TECPR2: variants seen among roughly 807,000 people sequenced by gnomAD.
TECPR2 encodes the protein tectonin beta-propeller repeat containing 2, also known as tectonin beta-propeller repeat-containing protein 2.
Under a neutral mutation model 138.1 loss-of-function variants are expected in TECPR2, and 65 were observed. The observed-to-expected ratio is 0.47, with a 90% CI of 0.39 to 0.58. TECPR2 has a LOEUF of 0.58. Among genes scored for constraint, TECPR2 ranks in the 20% least tolerant of loss-of-function variants. The pLI, the probability that TECPR2 is intolerant of heterozygous loss-of-function variation, is 0.00. For missense variants in TECPR2, 1,553 were observed against 1,824.5 expected, an observed-to-expected ratio of 0.85 and a Z score of 2.71; for synonymous variants, 746 against 749.8, an observed-to-expected ratio of 0.99 and a Z score of 0.08.
chr14:102,495,319 A>G (rs1214191390), intron 17 of TECPR2, among the ~76,000 whole-genome samples: 1 of 152,174 alleles, frequency 6.6e-6, no homozygotes, highest in Non-Finnish European at 1.5e-5. Flanking sequence ...AGCTGCGACC[A>G]AGTCTGGATG....
chr14:102,385,061 T>C (rs1467943193), intron 2 of TECPR2, among the ~76,000 whole-genome samples: 1 of 151,834 alleles, frequency 6.6e-6, no homozygotes, highest in Non-Finnish European at 1.5e-5. Context: ...TTCACCATGT[T>C]GGCCAGGCTG....
intron 2 of TECPR2, among the ~76,000 whole-genome samples, chr14:102,395,526 A>G (rs977018247): frequency 6.6e-6 from 1 of 152,224 alleles, no homozygotes; most frequent in Non-Finnish European, 1.5e-5. Context: ...TGGGCCGGGC[A>G]CGGTGGCTCA....
intron 1 of TECPR2, among the ~76,000 whole-genome samples, chr14:102,373,794 T>C (rs932508563): frequency 1.3e-5 from 2 of 151,992 alleles, no homozygotes; most frequent in Admixed American, 6.6e-5. Context: ...GAAATGGGAA[T>C]CTAAGGCTGG....
At chr14:102,418,538 C>T (rs746259130) in intron 5 of TECPR2, among the ~76,000 whole-genome samples, 1 of 152,196 alleles carries the variant, frequency 6.6e-6, no homozygotes, top group Non-Finnish European at 1.5e-5. Flanking sequence ...GCCCTGCGCA[C>T]CGAGGATCTG....
chr14:102,458,761 C>T (rs1170993371), intron 16 of TECPR2, among the ~76,000 whole-genome samples: 1 of 151,914 alleles, frequency 6.6e-6, no homozygotes, highest in Non-Finnish European at 1.5e-5. Flanking sequence ...TGAGATCGCA[C>T]CTCCCCACCA....
In TECPR2 at chr14:102,499,488, C is replaced by T. The variant is rs913353597; in HGVS notation, c.*1231C>T. ...GCAGCCTCAGAGGGGCAGGCATCCC[C>T]GCACAGACTTGACTGGCAGGGCGGT... On this transcript the variant is annotated 3_prime_UTR_variant, in exon 20 of 20. Transcript: ENST00000359520. 16 of 500,578 alleles carry T rather than the reference C, an allele frequency of 3.2e-5. No individual in the cohort carries two copies. Among genetic ancestry groups the T allele is most frequent in the Admixed American group, 1.7e-4 (5 of 29,848 alleles). The allele number at this position is 500,578 out of a possible 1,614,324, so 31.0% of individuals were successfully genotyped here.
intron 11 of TECPR2, among the ~76,000 whole-genome samples, chr14:102,441,668 G>T (rs1889838040): frequency 6.6e-6 from 1 of 152,058 alleles, no homozygotes; most frequent in Admixed American, 6.5e-5. Context: ...CTCCAGCCTG[G>T]TGACAGGGCG....
intron 17 of TECPR2, among the ~76,000 whole-genome samples, chr14:102,465,975 A>G (rs1890543205): frequency 6.6e-6 from 1 of 152,284 alleles, no homozygotes; most frequent in Non-Finnish European, 1.5e-5. Flanking sequence ...GCCAGCCCCC[A>G]TTTGGTGACT....
chr14:102,432,154 C>A, intron 8 of TECPR2, 26 bp downstream of exon 8: 1 of 1,487,704 alleles, frequency 6.7e-7, no homozygotes, highest in South Asian at 1.3e-5. Context: ...GGCACACACC[C>A]ATCTGGGGTT....
chr14:102,494,086 G>A (rs1051628921), intron 17 of TECPR2, among the ~76,000 whole-genome samples: 7 of 152,146 alleles, frequency 4.6e-5, no homozygotes, highest in African/African-American at 1.7e-4. Flanking sequence ...TGCCTGCTCT[G>A]GTGCTACCTG....
At chr14:102,491,282 T>G (rs1287333563) in intron 17 of TECPR2, among the ~76,000 whole-genome samples, 6 of 152,136 alleles carry the variant, frequency 3.9e-5, no homozygotes, top group Admixed American at 3.3e-4. Context: ...ATGGCACGAA[T>G]ATGGCTTACT....
chr14:102,434,696 G>T lies in TECPR2; in HGVS notation c.1879G>T (p.Gly627Trp), dbSNP rs1418357547. ...EQDSSPGAHD[G>W]EDIQPIGPQS... ...GGACAGCTCTCCTGGGGCGCATGATGGGGAAGACATCCAACCCATTGGCCC... is the reference window on the plus strand; with the variant it reads ...GGACAGCTCTCCTGGGGCGCATGATTGGGAAGACATCCAACCCATTGGCCC... The change falls in exon 9 of 20, where the codon GGG becomes TGG. Residue 627 changes from glycine (G) to tryptophan (W), a missense_variant. Coordinates refer to ENST00000359520, the MANE Select transcript of TECPR2 (RefSeq NM_014844.5). The T allele has an allele frequency of 6.2e-7, 1 of 1,613,456 alleles. No individual in the cohort carries two copies.
chr14:102,443,327 A>G lies in TECPR2; in HGVS notation c.2753-320A>G, dbSNP rs1355441348. 6.6e-6 allele frequency among the ~76,000 whole-genome samples: 1 copy of G among 152,164 alleles called. No individual in the cohort carries two copies. Among genetic ancestry groups the G allele is most frequent in the East Asian group, 1.9e-4 (1 of 5,204 alleles). On this transcript the variant is annotated intron_variant, in intron 11 of 19. Coordinates refer to ENST00000359520, the MANE Select transcript of TECPR2 (RefSeq NM_014844.5). The surrounding 1 kb of genome is among the most constrained non-coding windows in gnomAD (Gnocchi z 4.9). ...CAGATAGATGTTACATTTAGGCAGAATTTAACCACTTTATGTTGATTAAAC... is the reference window on the plus strand; with the variant it reads ...CAGATAGATGTTACATTTAGGCAGAGTTTAACCACTTTATGTTGATTAAAC...
In TECPR2 at chr14:102,497,080, C is replaced by T. The variant is rs557028665; in HGVS notation, c.3891C>T (p.Thr1297=). Residue 1297 remains threonine, a synonymous_variant, in exon 18 of 20, where the codon ACC becomes ACT. Transcript: ENST00000359520. ...RWNVHVRTGI[T]EEMPVGTAWE... Reference sequence around the variant, plus strand: ...ACGTGCACGTGCGGACCGGGATCACCGAGGAGATGCCTGTGGGGACCGCCT... The same window carrying T: ...ACGTGCACGTGCGGACCGGGATCACTGAGGAGATGCCTGTGGGGACCGCCT... 7.4e-6 allele frequency: 12 copies of T among 1,613,228 alleles called. No individual in the cohort carries two copies. Among genetic ancestry groups the T allele is most frequent in the South Asian group, 3.3e-5 (3 of 91,080 alleles).
chr14:102,490,607 G>A (rs2139796528), intron 17 of TECPR2, among the ~76,000 whole-genome samples: 1 of 152,344 alleles, frequency 6.6e-6, no homozygotes, highest in South Asian at 2.1e-4. Flanking sequence ...CACCCGGGGT[G>A]CTGAGCTCCG....
intron 17 of TECPR2, among the ~76,000 whole-genome samples, chr14:102,478,534 A>G (rs1031138080): frequency 2.6e-5 from 4 of 151,254 alleles, no homozygotes; most frequent in Admixed American, 6.6e-5. Flanking sequence ...TACAAAAGTT[A>G]GCCAGGTGTG....
In TECPR2 at chr14:102,419,245, G is replaced by C. The variant is rs1014913408; in HGVS notation, c.638+4452G>C. On this transcript the variant is annotated intron_variant, in intron 5 of 19. Transcript: ENST00000359520. This position sits in a 1 kb window ranked among gnomAD's most constrained non-coding sequence, Gnocchi z 4.8. ...AGGCAGCTTCGACGGGCCTGAGTCT[G>C]TAGCATGGAGGCTGTGCACAGCCCT... Among the ~76,000 whole-genome samples, 2 of 152,150 alleles carry C rather than the reference G, an allele frequency of 1.3e-5. No homozygotes were observed. The highest frequency in any genetic ancestry group is 4.8e-5 in the African/African-American group (2 of 41,414).
intron 2 of TECPR2, among the ~76,000 whole-genome samples, chr14:102,403,315 C>G (rs1243921584): frequency 1.3e-5 from 2 of 152,166 alleles, no homozygotes; most frequent in African/African-American, 4.8e-5. Flanking sequence ...ATAAAAAGCA[C>G]TTGACAAAAT....
chr14:102,393,378 C>T (rs960485459), intron 2 of TECPR2, among the ~76,000 whole-genome samples: 1 of 152,158 alleles, frequency 6.6e-6, no homozygotes, highest in Non-Finnish European at 1.5e-5. Context: ...TGTTAATAAT[C>T]TGATGTCTGG....
Sources: allele counts gnomAD v4.1 joint callset (sites outside exome capture counted in the v4.1 genomes callset), GRCh38; gene constraint gnomAD v4.1.1; non-coding constraint Gnocchi (gnomAD v3.1); transcripts MANE v1.5; gene names NCBI Gene and HGNC (gene_info 2026-07-23, HGNC 2026-07-21).